Variants in SIGLEC1 observed in about 807,000 individuals in gnomAD.
The protein encoded by SIGLEC1 is sialic acid binding Ig like lectin 1.
A neutral mutation model predicts 148.0 loss-of-function variants in SIGLEC1; 132 were observed. That is an observed-to-expected ratio of 0.89 (90% CI 0.77 to 1.03). SIGLEC1 has a LOEUF of 1.03. Among genes scored for constraint, SIGLEC1 ranks in the 50% least tolerant of loss-of-function variants. SIGLEC1 has a pLI of 0.00. For missense variants in SIGLEC1, 2,253 were observed against 2,271.4 expected (o/e 0.99, Z 0.16); for synonymous variants, 945 against 969.0 (o/e 0.98, Z 0.46).
intron 20 of SIGLEC1, 107 bp from the exon 21 acceptor site, chr20:3,689,334 C>G: frequency 2.0e-6 from 2 of 988,586 alleles, no homozygotes; most frequent in Non-Finnish European, 3.2e-6. Context: ...AGCGTGGGAA[C>G]CTCATGGAGA....
intron 7 of SIGLEC1, among the ~76,000 whole-genome samples, chr20:3,700,858 G>A (rs770562725): frequency 4.0e-5 from 6 of 151,838 alleles, no homozygotes; most frequent in African/African-American, 4.8e-5. Flanking sequence ...TCACCACCAT[G>A]CCCAGCTAAT....
Position 3,705,796 on chromosome 20 carries a change from C to T in SIGLEC1, c.654G>A (p.Gln218=), listed in dbSNP as rs990474087. ...GAGCCCTGTGATTGGCCACGGAGAGCTGGCAGCGCAGGATCCGGCCGTGGT... is the reference window on the plus strand; with the variant it reads ...GAGCCCTGTGATTGGCCACGGAGAGTTGGCAGCGCAGGATCCGGCCGTGGT... The part of the protein sequence containing the change: ...WQDHGRILRC[Q]LSVANHRAQS... Residue 218 remains glutamine, a synonymous_variant, in exon 4 of 22, where the codon CAG becomes CAA. Coordinates refer to ENST00000344754, the MANE Select transcript of SIGLEC1 (RefSeq NM_023068.4). The T allele has an allele frequency of 6.2e-7, 1 of 1,613,620 alleles. No individual in the cohort carries two copies. Among genetic ancestry groups the T allele is most frequent in the African/African-American group, 1.3e-5 (1 of 74,958 alleles).
In SIGLEC1 at chr20:3,703,990, C is replaced by T. The variant is rs1176437699; in HGVS notation, c.808G>A (p.Ala270Thr). 7 of 1,612,546 alleles carry T rather than the reference C, an allele frequency of 4.3e-6. No homozygotes were observed. The highest frequency in any genetic ancestry group is 4.5e-5 in the East Asian group (2 of 44,850). ...LTCQVNSSYP[A>T]VSSIKWLKDG... ...TTGAGCCACTTAATGGAACTGACTGCAGGGTAGCTGCTGTTCACCTGGCAG... is the reference window on the plus strand; with the variant it reads ...TTGAGCCACTTAATGGAACTGACTGTAGGGTAGCTGCTGTTCACCTGGCAG... Residue 270 changes from alanine (A) to threonine (T), a missense_variant, in exon 5 of 22, where the codon GCA (alanine) becomes ACA (threonine). Transcript: ENST00000344754.
rs2087934956 is a variant in SIGLEC1 at position 3,712,527 on chromosome 20, A to C, written c.-167T>G. Among the ~76,000 whole-genome samples, 1 of 152,088 alleles carries C rather than the reference A, an allele frequency of 6.6e-6. No individual in the cohort carries two copies. The highest frequency in any genetic ancestry group is 2.4e-5 in the African/African-American group (1 of 41,404). ...CTGGACCTGCGGAGAGGAGAACAGGAAGGACGGCCAAGAGCTCCTGGTGCA... is the reference window on the plus strand; with the variant it reads ...CTGGACCTGCGGAGAGGAGAACAGGCAGGACGGCCAAGAGCTCCTGGTGCA... On this transcript the variant is annotated 5_prime_UTR_variant, in exon 1 of 22. Transcript: ENST00000344754.
intron 21 of SIGLEC1, chr20:3,688,940 C>T: frequency 1.6e-6 from 1 of 610,568 alleles, no homozygotes; most frequent in Non-Finnish European, 2.9e-6. Context: ...CTCCCCTAGT[C>T]CTCTAAGCCA....
At chr20:3,689,467 G>T in intron 20 of SIGLEC1, 133 bp downstream of exon 20, 2 of 675,044 alleles carry the variant, frequency 3.0e-6, no homozygotes, top group Non-Finnish European at 2.5e-6. Flanking sequence ...TTTCCAATTT[G>T]GAGGGGCAGT....
intron 1 of SIGLEC1, among the ~76,000 whole-genome samples, chr20:3,709,697 A>G (rs1048221499): frequency 6.6e-6 from 1 of 152,244 alleles, no homozygotes; most frequent in Non-Finnish European, 1.5e-5. Context: ...GTGGATAAAC[A>G]AACTGTGGTA....
At chr20:3,698,157 A>T (rs2087821307) in intron 8 of SIGLEC1, 24 bp from the exon 9 acceptor site, 5 of 1,542,166 alleles carry the variant, frequency 3.2e-6, no homozygotes, top group Non-Finnish European at 4.4e-6. Context: ...GAACATGGGC[A>T]CTCATCCCAC....
In SIGLEC1 at chr20:3,706,726, G is replaced by A. The variant is rs1337705606; in HGVS notation, c.50-20C>T. The A allele has an allele frequency of 2.0e-6, 3 of 1,521,860 alleles. No homozygotes were observed. In the South Asian group the frequency reaches 3.7e-5, roughly 19 times the overall value. The allele number at this position is 1,521,860 out of a possible 1,614,324, so 94.3% of individuals were successfully genotyped here. ...CCTGGCCTGGGGGAAGAACGGCAGG[G>A]GGACAGAGGGGAGGGTGATACAGGC... On this transcript the variant is annotated intron_variant, in intron 2 of 21. Coordinates refer to ENST00000344754, the MANE Select transcript of SIGLEC1 (RefSeq NM_023068.4).
chr20:3,688,347 T>G lies in SIGLEC1; in HGVS notation c.*213A>C. On this transcript the variant is annotated 3_prime_UTR_variant, in exon 22 of 22. Transcript: ENST00000344754. ...GCGAGATCAGCTCAGTGCTCTTCAGTGTCCTCCAGGGTCAACACCCTCCTG... is the reference window on the plus strand; with the variant it reads ...GCGAGATCAGCTCAGTGCTCTTCAGGGTCCTCCAGGGTCAACACCCTCCTG... 1.7e-6 allele frequency: 1 copy of G among 593,448 alleles called. No individual in the cohort carries two copies. The highest frequency in any genetic ancestry group is 1.8e-5 in the South Asian group (1 of 55,408). The allele number at this position is 593,448 out of a possible 1,614,324, so 36.8% of individuals were successfully genotyped here.
Position 3,700,070 on chromosome 20 carries a change from A to G in SIGLEC1, c.1529-611T>C, listed in dbSNP as rs1035687814. Among the ~76,000 whole-genome samples, 12 of 143,670 alleles carry G rather than the reference A, an allele frequency of 8.4e-5. No homozygotes were observed. The Admixed American group carries it at 8.4e-4, about 10-fold the overall frequency. The allele number at this position is 143,670 out of a possible 152,430, so 94.3% of individuals were successfully genotyped here. A position where few individuals can be genotyped will look rare whatever the true frequency, so the allele number is the denominator to read the frequency against. On this transcript the variant is annotated intron_variant, in intron 7 of 21. Transcript: ENST00000344754. ...TGATCCACCCGCCTCAGCCTCCCAA[A>G]GTGCTGGGATTACAGGTGTGAGCCA...
intron 11 of SIGLEC1, among the ~76,000 whole-genome samples, chr20:3,696,280 A>C (rs570374868): frequency 6.6e-6 from 1 of 152,364 alleles, no homozygotes; most frequent in South Asian, 2.1e-4. Flanking sequence ...ATAAATATAC[A>C]TATGTATGAG....
chr20:3,702,871 G>A (rs1600288486), intron 6 of SIGLEC1, among the ~76,000 whole-genome samples: 1 of 152,168 alleles, frequency 6.6e-6, no homozygotes, highest in African/African-American at 2.4e-5. Flanking sequence ...GTATGTATGT[G>A]CGTGTGTGTG....
intron 1 of SIGLEC1, among the ~76,000 whole-genome samples, chr20:3,709,909 G>C (rs1021718780): frequency 2.0e-5 from 3 of 152,224 alleles, no homozygotes; most frequent in Admixed American, 1.3e-4. Context: ...GCTGCAGGGA[G>C]GGGGAGCTAA....
chr20:3,693,347 C>T lies in SIGLEC1; in HGVS notation c.3508+100G>A, dbSNP rs557781659. On this transcript the variant is annotated intron_variant, in intron 14 of 21. Coordinates refer to ENST00000344754, the MANE Select transcript of SIGLEC1 (RefSeq NM_023068.4). ...CAGTGCTCCACTAGCTACTGGGTACCGAGTTCCCCACTGGACACCTGTCGG... is the reference window on the plus strand; with the variant it reads ...CAGTGCTCCACTAGCTACTGGGTACTGAGTTCCCCACTGGACACCTGTCGG... 16 of 1,370,472 alleles carry T rather than the reference C, an allele frequency of 1.2e-5. No individual in the cohort carries two copies. In the East Asian group the frequency reaches 1.4e-4, roughly 12 times the overall value. 84.9% of individuals were successfully genotyped at this position (1,370,472 alleles called of 1,614,324 possible). A position where few individuals can be genotyped will look rare whatever the true frequency, so the allele number is the denominator to read the frequency against.
chr20:3,701,670 AC>A, intron 6 of SIGLEC1, 29 bp from the exon 7 acceptor site: 1 of 1,523,548 alleles, frequency 6.6e-7, no homozygotes, highest in Non-Finnish European at 8.8e-7. Flanking sequence ...TGGGCCTGTC[AC>A]CCTCAGACAA....
In SIGLEC1 at chr20:3,692,901, G is replaced by A. The variant is rs1360301638; in HGVS notation, c.3739C>T (p.Leu1247=). The A allele has an allele frequency of 6.2e-7, 1 of 1,612,054 alleles. No individual in the cohort carries two copies. The highest frequency in any genetic ancestry group is 8.5e-7 in the Non-Finnish European group (1 of 1,179,848). Residue 1247 remains leucine (L), a synonymous_variant, in exon 15 of 22, where the codon CTG becomes TTG. Coordinates refer to ENST00000344754, the MANE Select transcript of SIGLEC1 (RefSeq NM_023068.4). ...TCCAGGGACGTGTTGGCCTGGCCCA[G>A]AGGGCTGCGGGCAGAGCAGCTGTAG... ...GFYSCSARSP[L]GQANTSLELR...
intron 3 of SIGLEC1, 53 bp downstream of exon 3, chr20:3,706,294 G>C (rs1330610646): frequency 1.9e-6 from 3 of 1,561,444 alleles, no homozygotes; most frequent in Non-Finnish European, 2.6e-6. Context: ...AAGGGGTCCA[G>C]AAGCAGCTTG....
In SIGLEC1 at chr20:3,706,476, C is replaced by G. The variant is rs536605447; in HGVS notation, c.280G>C (p.Glu94Gln). 8.7e-6 allele frequency: 14 copies of G among 1,613,950 alleles called. No homozygotes were observed. The South Asian group carries it at 1.5e-4, about 18-fold the overall frequency. ...AGCAGCAGGTTGCACACCCTGTGCT[C>G]GGGGTTCCCCATGAACTCGGTGCGG... ...RGRTEFMGNP[E>Q]HRVCNLLLKD... Residue 94 changes from glutamate to glutamine, a missense_variant, in exon 3 of 22, where the codon GAG (glutamate) becomes CAG (glutamine). By Grantham distance (29) the Glu-to-Gln change is conservative. Coordinates refer to ENST00000344754, the MANE Select transcript of SIGLEC1 (RefSeq NM_023068.4).
Sources: gnomAD v4.1 joint callset for allele counts (sites outside exome capture counted in the v4.1 genomes callset) on GRCh38, gnomAD v4.1.1 for gene constraint, MANE v1.5 for transcripts, NCBI Gene and HGNC (gene_info 2026-07-23, HGNC 2026-07-21) for gene names.